The following FNBP1 variants were observed in gnomAD, a reference collection of about 807,000 sequenced individuals.
FNBP1 encodes the protein formin binding protein 1.
Under a neutral mutation model 90.6 loss-of-function variants are expected in FNBP1, and 26 were observed. The observed-to-expected ratio is 0.29, with a 90% CI of 0.21 to 0.40. The LOEUF is 0.40. FNBP1 is among the 10% of genes least tolerant of loss of function. FNBP1 has a pLI of 1.00. For missense variants in FNBP1, 635 were observed against 768.0 expected, an observed-to-expected ratio of 0.83 and a Z score of 2.05; for synonymous variants, 260 against 265.2, an observed-to-expected ratio of 0.98 and a Z score of 0.19.
intron 3 of FNBP1, among the ~76,000 whole-genome samples, chr9:129,978,822 G>A (rs376886172): frequency 2.2e-3 from 330 of 152,194 alleles, no homozygotes; most frequent in African/African-American, 7.2e-3. Context: ...AAACTGAACC[G>A]CTCCGCATAA....
intron 16 of FNBP1, among the ~76,000 whole-genome samples, chr9:129,893,612 C>CAAA (rs1216398298): frequency 4.5e-5 from 1 of 22,314 alleles, no homozygotes; most frequent in Non-Finnish European, 8.1e-5. Context: ...GACTCTGTCT[C>CAAA]AAAAAAAAAA....
At chr9:130,038,484 G>A (rs978526112) in intron 1 of FNBP1, among the ~76,000 whole-genome samples, 1 of 131,874 alleles carries the variant, frequency 7.6e-6, no homozygotes, top group Non-Finnish European at 1.6e-5. Context: ...TGCAACCTCC[G>A]CCTCCCGGGT....
At chr9:129,916,277 GTAAAT>G in intron 10 of FNBP1, 1 of 348,336 alleles carries the variant, frequency 2.9e-6, no homozygotes, top group Middle Eastern at 8.4e-4. Flanking sequence ...CAGCCTAGAT[GTAAAT>G]TAAAGTAAGC....
chr9:130,027,443 T>C (rs959268660), intron 1 of FNBP1, among the ~76,000 whole-genome samples: 6 of 152,204 alleles, frequency 3.9e-5, no homozygotes, highest in Admixed American at 2.6e-4. Context: ...ATCTTTAAAC[T>C]AGAATAAAAG....
At chr9:129,969,871 T>A (rs1417482043) in intron 4 of FNBP1, among the ~76,000 whole-genome samples, 1 of 149,278 alleles carries the variant, frequency 6.7e-6, no homozygotes, top group East Asian at 2.0e-4. Flanking sequence ...ATAGCTATAG[T>A]AGGATTAATA....
chr9:129,989,146 A>T (rs2052729406), intron 2 of FNBP1, among the ~76,000 whole-genome samples: 1 of 152,144 alleles, frequency 6.6e-6, no homozygotes, highest in Admixed American at 6.6e-5. Context: ...TGACCAGCCT[A>T]GCTCAGTAAC....
At chr9:129,979,712 T>C (rs2050891908) in intron 2 of FNBP1, among the ~76,000 whole-genome samples, 1 of 152,084 alleles carries the variant, frequency 6.6e-6, no homozygotes, top group East Asian at 1.9e-4. Context: ...TGATCTCAGC[T>C]CATTGCAACT....
chr9:129,924,009 T>G lies in FNBP1; in HGVS notation c.1005A>C (p.Thr335=). Residue 335 remains threonine, a synonymous_variant, in exon 10 of 17, where the codon ACA becomes ACC. Coordinates refer to ENST00000446176, the MANE Select transcript of FNBP1 (RefSeq NM_015033.3). ...IKKNKLMSLL[T]SPHQPPPPPP... is the part of the protein sequence containing the mutation. ...GGGGAGGGGGAGGCTGATGGGGGGATGTTAAAAGGGACATAAGCTACATGT... is the reference window on the plus strand; with the variant it reads ...GGGGAGGGGGAGGCTGATGGGGGGAGGTTAAAAGGGACATAAGCTACATGT... The G allele has an allele frequency of 6.6e-7, 1 of 1,510,058 alleles. No individual in the cohort carries two copies. The highest frequency in any genetic ancestry group is 8.8e-7 in the Non-Finnish European group (1 of 1,131,356). The allele number at this position is 1,510,058 out of a possible 1,614,324, so 93.5% of individuals were successfully genotyped here.
chr9:129,988,311 A>G (rs1159048962), intron 2 of FNBP1, among the ~76,000 whole-genome samples: 1 of 151,304 alleles, frequency 6.6e-6, no homozygotes, highest in Admixed American at 6.6e-5. Flanking sequence ...TATATTAGGA[A>G]TTTCAACCTA....
intron 1 of FNBP1, among the ~76,000 whole-genome samples, chr9:130,009,248 G>C (rs1489209763): frequency 6.6e-6 from 1 of 152,150 alleles, no homozygotes; most frequent in Admixed American, 6.5e-5. Flanking sequence ...ACACATAGGT[G>C]ATGTCCCTTT....
chr9:129,958,397 A>T, intron 5 of FNBP1, 94 bp downstream of exon 5: 1 of 905,540 alleles, frequency 1.1e-6, no homozygotes, highest in Non-Finnish European at 1.7e-6. Context: ...GCACCATTGC[A>T]CTCCAACCTG....
At chr9:129,941,610 C>A (rs1188711666) in intron 6 of FNBP1, among the ~76,000 whole-genome samples, 1 of 152,124 alleles carries the variant, frequency 6.6e-6, no homozygotes, top group Non-Finnish European at 1.5e-5. Flanking sequence ...GGACGACAGG[C>A]ACACACCAGC....
intron 4 of FNBP1, among the ~76,000 whole-genome samples, chr9:129,975,155 G>A (rs538836717): frequency 3.0e-4 from 45 of 152,334 alleles, no homozygotes; most frequent in Non-Finnish European, 1.0e-4. Flanking sequence ...GAAGGCGGAG[G>A]CTGCAGTAAG....
intron 11 of FNBP1, among the ~76,000 whole-genome samples, chr9:129,915,441 T>G (rs537239582): frequency 1.3e-5 from 2 of 152,172 alleles, no homozygotes; most frequent in Non-Finnish European, 2.9e-5. Flanking sequence ...CTCGGCTCAC[T>G]GCACCCTTCA....
chr9:129,917,700 C>G (rs928571463), intron 10 of FNBP1, among the ~76,000 whole-genome samples: 14 of 152,246 alleles, frequency 9.2e-5, no homozygotes, highest in African/African-American at 3.1e-4. Context: ...AAAAAATAAC[C>G]TTTTAAATAA....
chr9:129,983,996 T>C (rs905159586), intron 2 of FNBP1, among the ~76,000 whole-genome samples: 2 of 152,118 alleles, frequency 1.3e-5, no homozygotes, highest in African/African-American at 4.8e-5. Flanking sequence ...ATAAACATTC[T>C]TTTATAAGGA....
chr9:130,052,464 ACT>A, the FNBP1 span, among the ~76,000 whole-genome samples: 1 of 151,882 alleles, frequency 6.6e-6, no homozygotes, highest in South Asian at 2.1e-4. Context: ...ACAGAGTCTC[ACT>A]CTGTCACCCA....
intron 1 of FNBP1, among the ~76,000 whole-genome samples, chr9:130,026,283 C>T (rs2058331780): frequency 6.6e-6 from 1 of 152,088 alleles, no homozygotes; most frequent in African/African-American, 2.4e-5. Flanking sequence ...CATCTGAGGT[C>T]AGGAGTACGA....
Position 130,042,241 on chromosome 9 carries a change from C to G in FNBP1, c.24+711G>C, listed in dbSNP as rs886484489. ...TATTCTCCGAGCAACCGTTAAAGAT[C>G]ATTGACCCCGCGAACGCCTCTTCCT... On this transcript the variant is annotated intron_variant, in intron 1 of 16. Coordinates refer to ENST00000446176, the MANE Select transcript of FNBP1 (RefSeq NM_015033.3). This position sits in a 1 kb window ranked among gnomAD's most constrained non-coding sequence, Gnocchi z 5.5. Among the ~76,000 whole-genome samples, 6 of 152,136 alleles carry G rather than the reference C, an allele frequency of 3.9e-5. No individual in the cohort carries two copies. The highest frequency in any genetic ancestry group is 7.2e-5 in the African/African-American group (3 of 41,450).
Sources: gnomAD v4.1 joint callset for allele counts (sites outside exome capture counted in the v4.1 genomes callset) on GRCh38, gnomAD v4.1.1 for gene constraint, Gnocchi (gnomAD v3.1) non-coding constraint, MANE v1.5 for transcripts, NCBI Gene and HGNC (gene_info 2026-07-23, HGNC 2026-07-21) for gene names.